Variants in PPP6R3 observed in about 807,000 individuals in gnomAD.
The protein encoded by PPP6R3 is protein phosphatase 6 regulatory subunit 3, also known as serine/threonine-protein phosphatase 6 regulatory subunit 3.
PPP6R3 carries 38 observed loss-of-function variants against 110.7 expected under a neutral mutation model. The observed-to-expected ratio is 0.34, with a 90% CI of 0.26 to 0.45. The LOEUF (loss-of-function observed/expected upper bound fraction) is 0.45. Ranked by LOEUF, PPP6R3 falls within the 20% of genes least tolerant of loss-of-function variation. PPP6R3 has a pLI of 1.00. For missense variants in PPP6R3, 870 were observed against 1,062.4 expected, an observed-to-expected ratio of 0.82 and a Z score of 2.52; for synonymous variants, 369 against 373.5, an observed-to-expected ratio of 0.99 and a Z score of 0.14.
chr11:68,564,466 G>A (rs552374209), intron 9 of PPP6R3, 34 bp downstream of exon 9: 18 of 1,610,788 alleles, frequency 1.1e-5, no homozygotes, highest in East Asian at 2.2e-5. Flanking sequence ...GCTGCCCAGC[G>A]AGTAATTTGG....
intron 8 of PPP6R3, among the ~76,000 whole-genome samples, chr11:68,563,313 T>G (rs1258663037): frequency 6.6e-6 from 1 of 152,194 alleles, no homozygotes; most frequent in Non-Finnish European, 1.5e-5. Flanking sequence ...CTCTTCCAGC[T>G]TCTAGTAGTT....
At chr11:68,593,150 CAA>C (rs1467209741) in intron 18 of PPP6R3, among the ~76,000 whole-genome samples, 1 of 152,206 alleles carries the variant, frequency 6.6e-6, no homozygotes, top group East Asian at 1.9e-4. Context: ...ACCATCACCC[CAA>C]AAAGTCTTCT....
intron 14 of PPP6R3, among the ~76,000 whole-genome samples, chr11:68,576,889 A>G (rs1466123848): frequency 6.6e-6 from 1 of 152,216 alleles, no homozygotes; most frequent in Non-Finnish European, 1.5e-5. Context: ...ACAGGGAAGC[A>G]GGCTCTGAAA....
At chr11:68,540,418 A>G (rs984054933) in intron 3 of PPP6R3, among the ~76,000 whole-genome samples, 1 of 152,172 alleles carries the variant, frequency 6.6e-6, no homozygotes, top group African/African-American at 2.4e-5. Flanking sequence ...GGTGTGGGTG[A>G]CAGACATCAA....
chr11:68,515,995 C>G (rs2099134718), intron 1 of PPP6R3, among the ~76,000 whole-genome samples: 1 of 152,200 alleles, frequency 6.6e-6, no homozygotes, highest in Middle Eastern at 3.2e-3. Context: ...TCCTCCATCT[C>G]CTGTTCTGCT....
In PPP6R3 at chr11:68,500,007, A is replaced by G. The variant is rs1229043356; in HGVS notation, c.-157-19494A>G. 3.3e-5 allele frequency among the ~76,000 whole-genome samples: 5 copies of G among 152,118 alleles called. No individual in the cohort carries two copies. The East Asian group carries it at 5.8e-4, about 18-fold the overall frequency. On this transcript the variant is annotated intron_variant, in intron 1 of 23. Transcript: ENST00000393800. Reference sequence around the variant, plus strand: ...CTGTCTTTTGAGGTGAAGGAGTTCTATTAAATCTTTTTTTCTTTATTGTCA... The same window carrying G: ...CTGTCTTTTGAGGTGAAGGAGTTCTGTTAAATCTTTTTTTCTTTATTGTCA...
chr11:68,532,443 T>C lies in PPP6R3; in HGVS notation c.-6-5216T>C, dbSNP rs1361489403. 2.0e-5 allele frequency among the ~76,000 whole-genome samples: 3 copies of C among 152,246 alleles called. No individual in the cohort carries two copies. The East Asian group carries it at 5.8e-4, about 29-fold the overall frequency. On this transcript the variant is annotated intron_variant, in intron 2 of 23. Coordinates refer to ENST00000393800, the MANE Select transcript of PPP6R3 (RefSeq NM_001164161.2). ...GAGGAAACTCCATTTTCAAACTACT[T>C]AATCCAACTTACAAAAAACTCTAGG...
In PPP6R3 at chr11:68,542,951, T is replaced by G. The variant is rs190445260; in HGVS notation, c.228-1887T>G. Among the ~76,000 whole-genome samples the G allele has an allele frequency of 3.3e-5, 5 of 152,322 alleles. 1 individual carries two copies. The highest frequency in any genetic ancestry group is 3.3e-4 in the Admixed American group (5 of 15,306). On this transcript the variant is annotated intron_variant, in intron 3 of 23. Coordinates refer to ENST00000393800, the MANE Select transcript of PPP6R3 (RefSeq NM_001164161.2). ...GCTTGCCTTTTACTGATCTTCTGTT[T>G]GTCAGCAGTTTCCACATTAAGACAG...
intron 18 of PPP6R3, among the ~76,000 whole-genome samples, chr11:68,594,864 G>T (rs1240519750): frequency 3.3e-5 from 5 of 152,168 alleles, no homozygotes; most frequent in Admixed American, 3.3e-4. Flanking sequence ...TGGGCAAGAA[G>T]GTAGGGCATA....
chr11:68,500,518 C>T (rs576346119), intron 1 of PPP6R3, among the ~76,000 whole-genome samples: 1 of 152,282 alleles, frequency 6.6e-6, no homozygotes, highest in South Asian at 2.1e-4. Flanking sequence ...CAGTCTGTTG[C>T]CCAAGCCGGA....
intron 1 of PPP6R3, among the ~76,000 whole-genome samples, chr11:68,479,506 G>C (rs2098884721): frequency 6.6e-6 from 1 of 152,094 alleles, no homozygotes; most frequent in Non-Finnish European, 1.5e-5. Context: ...ACCCAGTTCT[G>C]GCTCGATGAT....
At chr11:68,550,706 C>T (rs2099367446) in intron 5 of PPP6R3, among the ~76,000 whole-genome samples, 1 of 152,176 alleles carries the variant, frequency 6.6e-6, no homozygotes, top group Admixed American at 6.5e-5. Context: ...AGACTTGGTG[C>T]TAAATATTGC....
At chr11:68,608,794 A>G (rs1260865117) in intron 22 of PPP6R3, among the ~76,000 whole-genome samples, 1 of 152,232 alleles carries the variant, frequency 6.6e-6, no homozygotes, top group Non-Finnish European at 1.5e-5. Flanking sequence ...GCGACTCAGA[A>G]TACACATTGT....
At chr11:68,467,708 G>A (rs2098758354) in intron 1 of PPP6R3, among the ~76,000 whole-genome samples, 2 of 152,236 alleles carry the variant, frequency 1.3e-5, no homozygotes, top group African/African-American at 4.8e-5. Context: ...CTTGACAATT[G>A]ACTGAGGCTT....
At chr11:68,600,525 T>A in intron 20 of PPP6R3, 31 bp downstream of exon 20, 1 of 1,582,798 alleles carries the variant, frequency 6.3e-7, no homozygotes, top group Non-Finnish European at 8.6e-7. Flanking sequence ...TCTACACCCT[T>A]CCACGGGGGA....
At chr11:68,475,976 A>G (rs1413572336) in intron 1 of PPP6R3, among the ~76,000 whole-genome samples, 2 of 148,204 alleles carry the variant, frequency 1.3e-5, no homozygotes, top group Non-Finnish European at 3.0e-5. Context: ...CTCACTTCCC[A>G]GACTGGGCAG....
chr11:68,559,583 C>A (rs922529136), intron 8 of PPP6R3, among the ~76,000 whole-genome samples: 3 of 152,178 alleles, frequency 2.0e-5, no homozygotes, highest in African/African-American at 7.2e-5. Flanking sequence ...ACCTTACCAA[C>A]CAACCCCTGC....
chr11:68,614,448 T>C lies in PPP6R3; in HGVS notation c.*1331T>C. On this transcript the variant is annotated 3_prime_UTR_variant, in exon 24 of 24. Coordinates refer to ENST00000393800, the MANE Select transcript of PPP6R3 (RefSeq NM_001164161.2). ...TTTCTGTAATAGAAAATTATTCACGTATTTTTACATCATTTGTTTTTCCTG... is the reference window on the plus strand; with the variant it reads ...TTTCTGTAATAGAAAATTATTCACGCATTTTTACATCATTTGTTTTTCCTG... 1 of 1,352,436 alleles carries C rather than the reference T, an allele frequency of 7.4e-7. No individual in the cohort carries two copies. Among genetic ancestry groups the C allele is most frequent in the Non-Finnish European group, 9.5e-7 (1 of 1,056,604 alleles). 83.8% of individuals were successfully genotyped at this position (1,352,436 alleles called of 1,614,324 possible).
intron 9 of PPP6R3, 63 bp from the exon 10 acceptor site, chr11:68,566,951 G>A: frequency 6.9e-7 from 1 of 1,440,450 alleles, no homozygotes; most frequent in Non-Finnish European, 9.3e-7. Flanking sequence ...TCATGTCTTA[G>A]CAAATACACC....
Sources: gnomAD v4.1 joint callset for allele counts (sites outside exome capture counted in the v4.1 genomes callset) on GRCh38, gnomAD v4.1.1 for gene constraint, MANE v1.5 for transcripts, NCBI Gene and HGNC (gene_info 2026-07-23, HGNC 2026-07-21) for gene names.